The following OGT variants were observed in gnomAD, a reference collection of about 807,000 sequenced individuals.
OGT encodes O-linked N-acetylglucosamine (GlcNAc) transferase.
A neutral mutation model predicts 75.8 loss-of-function variants in OGT; 3 were observed. That is an observed-to-expected ratio of 0.04 (90% CI 0.02 to 0.10). The LOEUF (loss-of-function observed/expected upper bound fraction) is 0.10. OGT is among the 10% of genes least tolerant of loss of function. OGT has a pLI of 1.00. For missense variants in OGT, 260 were observed against 824.4 expected, an observed-to-expected ratio of 0.32 and a Z score of 8.38; for synonymous variants, 257 against 289.7, an observed-to-expected ratio of 0.89 and a Z score of 1.15.
intron 21 of OGT, among the ~76,000 whole-genome samples, chrX:71,572,634 A>G (rs2040466742): frequency 9.0e-6 from 1 of 111,281 alleles, no homozygotes; most frequent in African/African-American, 3.3e-5. Flanking sequence ...GAGTGTGGTG[A>G]TGCGTGCCTG....
intron 21 of OGT, among the ~76,000 whole-genome samples, chrX:71,569,050 C>A (rs1302857376): frequency 3.6e-5 from 4 of 111,772 alleles, no homozygotes; most frequent in African/African-American, 1.3e-4. Flanking sequence ...GATCTTTGGG[C>A]CAGGTGCGGT....
intron 5 of OGT, among the ~76,000 whole-genome samples, chrX:71,553,405 C>G (rs2040320908): frequency 1.8e-5 from 2 of 111,604 alleles, no homozygotes; most frequent in South Asian, 7.5e-4. Flanking sequence ...ATGAAGTGTT[C>G]TTTATCAGTC....
intron 4 of OGT, 171 bp downstream of exon 4, chrX:71,544,806 G>A (rs1215390121): frequency 2.3e-6 from 1 of 434,152 alleles, no homozygotes; most frequent in Non-Finnish European, 4.0e-6. Flanking sequence ...TGGCATATCT[G>A]TTCTAAATCT....
chrX:71,563,554 C>T (rs1378778850), intron 18 of OGT, 55 bp downstream of exon 18: 1 of 959,473 alleles, frequency 1.0e-6, no homozygotes, highest in Non-Finnish European at 1.4e-6. Flanking sequence ...ATTTATTTCC[C>T]TTAACCTCAT....
Position 71,564,607 on chromosome X carries a change from A to C in OGT, c.2443A>C (p.Asn815His), listed in dbSNP as rs1446164122. 7 of 1,202,855 alleles carry C rather than the reference A, an allele frequency of 5.8e-6. No homozygotes were observed. The highest frequency in any genetic ancestry group is 6.7e-6 in the Non-Finnish European group (6 of 891,216). Residue 815 changes from asparagine to histidine, a missense_variant, in exon 19 of 22, where the codon AAT (asparagine) becomes CAT (histidine). Around this residue, in one of 6 missense-constraint regions of OGT, gnomAD observed 79 missense variants for 141.0 expected, o/e 0.56. Coordinates refer to ENST00000373719, the MANE Select transcript of OGT (RefSeq NM_181672.3). The stretch of plus-strand genomic sequence containing the variant: ...CATTTTTTTCTTGTTCTAGATCAAC[A>C]ATAAGGCTGCAACTGGAGAGGAGGT... The part of the protein sequence containing the change: ...SNGLATTQIN[N>H]KAATGEEVPR...
chrX:71,555,097 A>G (rs1164944223), intron 6 of OGT, 93 bp from the exon 7 acceptor site: 1 of 616,737 alleles, frequency 1.6e-6, no homozygotes, highest in Non-Finnish European at 2.5e-6. Context: ...AGCTTGAATG[A>G]GTTGTAACAA....
chrX:71,533,163 C>A lies in OGT; in HGVS notation c.-137C>A. 1 of 583,392 alleles carries A rather than the reference C, an allele frequency of 1.7e-6. No homozygotes were observed. The highest frequency in any genetic ancestry group is 2.8e-6 in the Non-Finnish European group (1 of 351,134). 48.1% of individuals were successfully genotyped at this position (583,392 alleles called of 1,213,427 possible). ...AGTTCCCAGGGTTTGAAGCCTGTAA[C>A]TGCTGCCGCCGCTCAAGCCCTCCAG... On this transcript the variant is annotated 5_prime_UTR_variant, in exon 1 of 22. It adds an upstream start codon to the 5' untranslated region. Coordinates refer to ENST00000373719, the MANE Select transcript of OGT (RefSeq NM_181672.3).
Position 71,544,997 on chromosome X carries a change from G to T in OGT, c.531+362G>T, listed in dbSNP as rs60747777. 2.6e-4 allele frequency: 42 copies of T among 158,762 alleles called. No homozygotes were observed. The East Asian group carries it at 5.6e-3, about 21-fold the overall frequency. 13.1% of individuals were successfully genotyped at this position (158,762 alleles called of 1,213,427 possible). On this transcript the variant is annotated intron_variant, in intron 4 of 21. Coordinates refer to ENST00000373719, the MANE Select transcript of OGT (RefSeq NM_181672.3). Reference sequence around the variant, plus strand: ...GGCTCAAGACTCCTATATGATGCAGGTGCCATTGAAAATGCTGCTCTTCTA... The same window carrying T: ...GGCTCAAGACTCCTATATGATGCAGTTGCCATTGAAAATGCTGCTCTTCTA...
intron 15 of OGT, 41 bp from the exon 16 acceptor site, chrX:71,562,806 G>A (rs755428603): frequency 8.9e-7 from 1 of 1,126,547 alleles, no homozygotes; most frequent in African/African-American, 1.8e-5. Context: ...TAAGTGTACT[G>A]ATAAAAGTTC....
chrX:71,551,353 C>T (rs1261906359), intron 5 of OGT, among the ~76,000 whole-genome samples: 6 of 112,483 alleles, frequency 5.3e-5, no homozygotes, highest in African/African-American at 1.9e-4. Flanking sequence ...TTTATTAGGC[C>T]GGGCTTGGTG....
chrX:71,533,499 C>T (rs2040149919), intron 1 of OGT, among the ~76,000 whole-genome samples, 163 bp downstream of exon 1: 1 of 111,890 alleles, frequency 8.9e-6, no homozygotes, highest in Non-Finnish European at 1.9e-5. Context: ...ATCGGGTTTT[C>T]CGCTGTTGTC....
chrX:71,542,295 G>A (rs1345362416), intron 3 of OGT, among the ~76,000 whole-genome samples: 3 of 111,802 alleles, frequency 2.7e-5, no homozygotes, highest in Non-Finnish European at 5.6e-5. Context: ...GGTGGTGCCC[G>A]TGCGTTTTCT....
chrX:71,554,623 T>G (rs775908443), intron 6 of OGT, 31 bp downstream of exon 6: 9 of 1,082,964 alleles, frequency 8.3e-6, no homozygotes, highest in Non-Finnish European at 1.2e-5. Flanking sequence ...ATAAATTTTC[T>G]TGAATCTTTG....
At chrX:71,547,418 T>A in intron 4 of OGT, 1 of 720,736 alleles carries the variant, frequency 1.4e-6, no homozygotes, top group Non-Finnish European at 1.6e-6. Flanking sequence ...AGAAACCTAT[T>A]TTCCGAATTT....
Position 71,559,690 on chromosome X carries a change from C to G in OGT, c.1851+13C>G. The G allele has an allele frequency of 8.7e-7, 1 of 1,149,482 alleles. No homozygotes were observed. The highest frequency in any genetic ancestry group is 1.2e-6 in the Non-Finnish European group (1 of 845,009). The allele number at this position is 1,149,482 out of a possible 1,213,427, so 94.7% of individuals were successfully genotyped here. On this transcript the variant is annotated intron_variant, in intron 14 of 21. Transcript: ENST00000373719. The stretch of plus-strand genomic sequence containing the variant: ...TGATCTTTCTCAGGTAGATGAAACT[C>G]TCATACTTTAACTTTTTATTTTGAG...
chrX:71,537,853 A>T lies in OGT; in HGVS notation c.243A>T (p.Ala81=). The T allele has an allele frequency of 8.3e-7, 1 of 1,211,912 alleles. No homozygotes were observed. The change falls in exon 3 of 22, where the codon GCA becomes GCT. Residue 81 remains alanine, a synonymous_variant. Transcript: ENST00000373719. ...LDRSAHFSTL[A]IKQNPLLAEA... is the part of the protein sequence containing the mutation. ...GATCTGCTCACTTTAGCACTCTGGC[A>T]ATTAAACAGAACCCCCTTCTGGCAG...
chrX:71,547,808 T>TTC, intron 4 of OGT, 99 bp from the exon 5 acceptor site: 20 of 1,068,161 alleles, frequency 1.9e-5, no homozygotes, highest in South Asian at 4.3e-5. Flanking sequence ...ATCACCTTCT[T>TTC]CCCCCCCTCC....
At chrX:71,550,642 C>A (rs1216185944) in intron 5 of OGT, among the ~76,000 whole-genome samples, 4 of 112,004 alleles carry the variant, frequency 3.6e-5, no homozygotes, top group Non-Finnish European at 7.5e-5. Context: ...AACCCTTTAT[C>A]AGTTGTATAG....
Position 71,555,225 on chromosome X carries a change from G to A in OGT, c.764G>A (p.Ser255Asn). The A allele has an allele frequency of 8.3e-7, 1 of 1,208,022 alleles. No individual in the cohort carries two copies. Among genetic ancestry groups the A allele is most frequent in the South Asian group, 1.8e-5 (1 of 56,732 alleles). Residue 255 changes from serine to asparagine, a missense_variant, in exon 7 of 22, where the codon AGT becomes AAT. Transcript: ENST00000373719. ...GCTTATCTTCGTGCCCTAAGTTTGA[G>A]TCCAAATCACGCAGTGGTGCACGGC... ...VAAYLRALSLSPNHAVVHGNL... is the reference protein window; with the variant it reads ...VAAYLRALSLNPNHAVVHGNL...
Sources: gnomAD v4.1 joint callset for allele counts (sites outside exome capture counted in the v4.1 genomes callset) on GRCh38, gnomAD v4.1.1 for gene constraint, gnomAD v4.1.1 regional missense constraint, MANE v1.5 for transcripts, NCBI Gene and HGNC (gene_info 2026-07-23, HGNC 2026-07-21) for gene names.